Variants in SOD2 observed in about 807,000 individuals in gnomAD.
The protein encoded by SOD2 is superoxide dismutase [Mn], mitochondrial.
Under a neutral mutation model 27.0 loss-of-function variants are expected in SOD2, and 11 were observed. That is an observed-to-expected ratio of 0.41 (90% confidence interval 0.26 to 0.67). The LOEUF is 0.67. SOD2 is among the 30% of genes least tolerant of loss of function. The pLI is 0.34. For synonymous variants in SOD2, 105 were observed against 103.0 expected (o/e 1.02, Z -0.12); for missense variants, 250 against 274.5 (o/e 0.91, Z 0.63).
At chr6:159,690,417 G>A (rs956560079) in intron 2 of SOD2, among the ~76,000 whole-genome samples, 3 of 151,912 alleles carry the variant, frequency 2.0e-5, no homozygotes, top group African/African-American at 7.3e-5. Context: ...GCAACATAGT[G>A]TGACCCCGTC....
At position 159,670,288 on chromosome 6, in the gene SOD2, T is replaced by C. The variant is rs1562408402; in HGVS notation, c.*12205A>G. 1 of 152,254 alleles carries C rather than the reference T, an allele frequency of 6.6e-6. No homozygotes were observed. The highest frequency in any genetic ancestry group is 2.1e-4 in the South Asian group (1 of 4,834). The allele number at this position is 152,254 out of a possible 1,614,324, so 9.4% of individuals were successfully genotyped here. A position where few individuals can be genotyped will look rare whatever the true frequency, so the allele number is the denominator to read the frequency against. ...TCCCAAAGCACAGAGATTACAAGTA[T>C]AGGCCACCACACTCAGCCTTGATAG... On this transcript the variant is annotated 3_prime_UTR_variant, in exon 5 of 5. Transcript: ENST00000538183.
chr6:159,755,253 G>T, intron 1 of SOD2: 2 of 1,614,200 alleles, frequency 1.2e-6, no homozygotes, highest in Non-Finnish European at 1.7e-6. Flanking sequence ...AACGGACCAA[G>T]TAATGGTAGC....
chr6:159,750,143 G>A (rs1433151161), upstream of SOD2, among the ~76,000 whole-genome samples: 1 of 152,238 alleles, frequency 6.6e-6, no homozygotes, highest in Non-Finnish European at 1.5e-5. Context: ...TGGAGGGTAA[G>A]TAACCAGATC....
At chr6:159,737,890 T>C (rs1779018726) in intron 1 of SOD2, among the ~76,000 whole-genome samples, 1 of 152,250 alleles carries the variant, frequency 6.6e-6, no homozygotes, top group South Asian at 2.1e-4. Flanking sequence ...TGTTAGCTTA[T>C]GCCCTTCTTT....
chr6:159,727,635 G>A (rs1370060544), upstream of SOD2: 1 of 986,026 alleles, frequency 1.0e-6, no homozygotes, highest in Admixed American at 6.2e-5. Context: ...GGGGGCCCGG[G>A]CGGCAGGGCA....
At chr6:159,721,886 G>C (rs1427660205) in intron 1 of SOD2, among the ~76,000 whole-genome samples, 1 of 151,936 alleles carries the variant, frequency 6.6e-6, no homozygotes, top group African/African-American at 2.4e-5. Context: ...GCATTTCCCA[G>C]CAATCTTTCA....
At chr6:159,739,337 C>T (rs953700494) in intron 1 of SOD2, among the ~76,000 whole-genome samples, 1 of 152,156 alleles carries the variant, frequency 6.6e-6, no homozygotes, top group Non-Finnish European at 1.5e-5. Flanking sequence ...AAAAGATGCA[C>T]TTATATTTAT....
At chr6:159,710,485 C>A (rs1379887481) in intron 1 of SOD2, among the ~76,000 whole-genome samples, 1 of 151,928 alleles carries the variant, frequency 6.6e-6, no homozygotes, top group African/African-American at 2.4e-5. Context: ...GAGAAGCTGA[C>A]CAAGAGTGAT....
intron 4 of SOD2, among the ~76,000 whole-genome samples, chr6:159,684,251 T>A (rs574064813): frequency 6.6e-6 from 1 of 150,604 alleles, no homozygotes; most frequent in East Asian, 1.9e-4. Flanking sequence ...CTATAGCTAA[T>A]TTTTTTTTTA....
chr6:159,735,209 C>T (rs747755607), intron 1 of SOD2, among the ~76,000 whole-genome samples: 25 of 152,286 alleles, frequency 1.6e-4, no homozygotes, highest in Non-Finnish European at 2.4e-4. Context: ...CGCGCCATCT[C>T]GGCTCACTGC....
Position 159,671,348 on chromosome 6 carries a change from G to C in SOD2, c.*11145C>G, listed in dbSNP as rs1294299399. 6.6e-6 allele frequency: 1 copy of C among 152,432 alleles called. No individual in the cohort carries two copies. Among genetic ancestry groups the C allele is most frequent in the African/African-American group, 2.4e-5 (1 of 41,460 alleles). 9.4% of individuals were successfully genotyped at this position (152,432 alleles called of 1,614,324 possible). ...CCTAACTGGGAGGCACCCCCAAGTA[G>C]GGGCAGACTGACACCCCACATGGCC... On this transcript the variant is annotated 3_prime_UTR_variant, in exon 5 of 5. Coordinates refer to ENST00000538183, the MANE Select transcript of SOD2 (RefSeq NM_000636.4).
At chr6:159,738,891 C>T in intron 1 of SOD2, 3 of 852,440 alleles carry the variant, frequency 3.5e-6, no homozygotes, top group Non-Finnish European at 1.8e-6. Flanking sequence ...TGTACTGAGC[C>T]GTTTAAATCT....
chr6:159,687,095 C>G (rs1354450651), intron 3 of SOD2, among the ~76,000 whole-genome samples: 3 of 152,118 alleles, frequency 2.0e-5, no homozygotes, highest in Non-Finnish European at 4.4e-5. Flanking sequence ...ATTTAATTCT[C>G]AAAACAACAC....
rs564459169 is a variant in SOD2, at chr6:159,681,512, C to T, written c.*981G>A. ...CCTTAATGTTCCTTTCTGCGGACCC[C>T]AAGTTTTTAGACAAAGCTTTGCTTC... is the stretch of plus-strand genomic sequence containing the variant. On this transcript the variant is annotated 3_prime_UTR_variant, in exon 5 of 5. Transcript: ENST00000538183. 5.3e-5 allele frequency: 8 copies of T among 152,218 alleles called. No homozygotes were observed. Among genetic ancestry groups the T allele is most frequent in the South Asian group, 2.1e-4 (1 of 4,826 alleles). 9.4% of individuals were successfully genotyped at this position (152,218 alleles called of 1,614,324 possible).
Position 159,676,080 on chromosome 6 carries a change from TAA to T in SOD2, c.*6411_*6412del. On this transcript the variant is annotated 3_prime_UTR_variant, in exon 5 of 5. Coordinates refer to ENST00000538183, the MANE Select transcript of SOD2 (RefSeq NM_000636.4). Reference sequence around the variant, plus strand: ...TCACACCAGTTAGAATGTCAATCATTAAAAAGTCAGGAAACAACAGGTGCTGG... The same window carrying T: ...TCACACCAGTTAGAATGTCAATCATTAAAGTCAGGAAACAACAGGTGCTGG... 1 of 152,244 alleles carries T rather than the reference TAA, an allele frequency of 6.6e-6. No individual in the cohort carries two copies. Among genetic ancestry groups the T allele is most frequent in the South Asian group, 2.1e-4 (1 of 4,820 alleles). 9.4% of individuals were successfully genotyped at this position (152,244 alleles called of 1,614,324 possible). A position where few individuals can be genotyped will look rare whatever the true frequency, so the allele number is the denominator to read the frequency against.
At chr6:159,705,733 C>G (rs1468077364) in intron 1 of SOD2, among the ~76,000 whole-genome samples, 3 of 151,408 alleles carry the variant, frequency 2.0e-5, no homozygotes, top group African/African-American at 7.3e-5. Flanking sequence ...CCTAGCAAGG[C>G]AGGCCAACAT....
Position 159,753,637 on chromosome 6 carries a change from G to T in SOD2, c.-335-4961C>A, listed in dbSNP as rs543183262. The T allele has an allele frequency of 1.9e-5, 30 of 1,585,600 alleles. No individual in the cohort carries two copies. The East Asian group carries it at 4.3e-4, about 23-fold the overall frequency. ...ATGGTAAGGGGTTTGTTTCTTTTTG[G>T]AACGTTGTCTCAACTTTGCATTGGC... is the stretch of plus-strand genomic sequence containing the variant. On this transcript the variant is annotated intron_variant, in intron 1 of 7. Coordinates refer to the SOD2 transcript ENST00000546087.
At chr6:159,732,303 A>G (rs149733356), upstream of SOD2, among the ~76,000 whole-genome samples, 49 of 152,332 alleles carry the variant, frequency 3.2e-4, no homozygotes, top group African/African-American at 1.2e-3. Context: ...AAAGTTGTAC[A>G]TACTGAGTAG....
At position 159,755,186 on chromosome 6, in the gene SOD2, G is replaced by A. The variant is rs1254491084; in HGVS notation, c.-336+5851C>T. ...TGCCCCAAGTACCAGCAGGACTACA[G>A]CTTCTGAACCTGTAGAACAGTCAGA... On this transcript the variant is annotated intron_variant, in intron 1 of 7. Transcript: ENST00000546087. 5 of 1,614,170 alleles carry A rather than the reference G, an allele frequency of 3.1e-6. No homozygotes were observed. The African/African-American group carries it at 6.7e-5, about 22-fold the overall frequency.
Sources: allele counts gnomAD v4.1 joint callset (sites outside exome capture counted in the v4.1 genomes callset), GRCh38; gene constraint gnomAD v4.1.1; transcripts MANE v1.5; gene names NCBI Gene and HGNC (gene_info 2026-07-23, HGNC 2026-07-21).